The following TRMT2B variants were observed in gnomAD, a reference collection of about 807,000 sequenced individuals.
The protein encoded by TRMT2B is tRNA (uracil-5-)-methyltransferase homolog B.
In TRMT2B, 34 loss-of-function variants were observed where a neutral mutation model predicts 39.7. The observed-to-expected ratio is 0.86, with a 90% confidence interval of 0.65 to 1.14. The LOEUF (loss-of-function observed/expected upper bound fraction) is 1.14. TRMT2B is among the 50% of genes most tolerant of loss of function. The probability of loss-of-function intolerance (pLI) is 0.00; values close to 1 mark genes in which losing one functional copy is unlikely to be tolerated. For missense variants in TRMT2B, 318 were observed against 377.2 expected (o/e 0.84, Z 1.30); for synonymous variants, 132 against 137.3 (o/e 0.96, Z 0.27).
chrX:101,032,768 C>T (rs1444517961), intron 7 of TRMT2B, among the ~76,000 whole-genome samples: 3 of 94,063 alleles, frequency 3.2e-5, no homozygotes, highest in Non-Finnish European at 4.1e-5. Flanking sequence ...AAGACTGAAA[C>T]TCCGTCTCAA....
At chrX:101,030,181 A>G (rs1015816272) in intron 7 of TRMT2B, among the ~76,000 whole-genome samples, 1 of 110,819 alleles carries the variant, frequency 9.0e-6, no homozygotes, top group Non-Finnish European at 1.9e-5. Flanking sequence ...AACTGCTTGA[A>G]CCCAGGATGT....
Position 101,025,698 on chromosome X carries a change from C to T in TRMT2B, c.610-2082G>A, listed in dbSNP as rs769181168. Among the ~76,000 whole-genome samples the T allele has an allele frequency of 3.3e-4, 37 of 111,879 alleles. No homozygotes were observed. The South Asian group carries it at 0.013, about 40-fold the overall frequency. On this transcript the variant is annotated intron_variant, in intron 7 of 13. Coordinates refer to ENST00000372936, the MANE Select transcript of TRMT2B (RefSeq NM_024917.6). Reference sequence around the variant, plus strand: ...GTTCCACTGGGCGTGATCCCTCCCACCTGTAATTCCAGCACTTTGAGAGGC... The same window carrying T: ...GTTCCACTGGGCGTGATCCCTCCCATCTGTAATTCCAGCACTTTGAGAGGC...
At chrX:101,039,190 C>T (rs1270846052) in intron 4 of TRMT2B, among the ~76,000 whole-genome samples, 4 of 111,114 alleles carry the variant, frequency 3.6e-5, no homozygotes, top group African/African-American at 1.3e-4. Context: ...CTGCCTCAGC[C>T]CCCCGAGTAG....
chrX:101,019,586 C>T (rs182118989), intron 11 of TRMT2B, among the ~76,000 whole-genome samples, 183 bp from the exon 12 acceptor site: 2 of 109,842 alleles, frequency 1.8e-5, no homozygotes, highest in African/African-American at 3.3e-5. Flanking sequence ...AGTACTTTCC[C>T]TTGGAATATC....
In TRMT2B at chrX:101,035,681, C is replaced by T; in HGVS notation, c.541G>A (p.Gly181Arg). ...TTAGACTGCACACAGACAACGTTCCCATCTATGGAAAGAAAAATAATTTGC... is the reference window on the plus strand; with the variant it reads ...TTAGACTGCACACAGACAACGTTCCTATCTATGGAAAGAAAAATAATTTGC... ...VGFYLGTWRD[G>R]NVVCVQSNHL... The change falls in exon 7 of 14, where the codon GGG (glycine) becomes AGG (arginine). Residue 181 changes from glycine to arginine, a missense_variant and splice_region_variant. Physicochemically the swap from Gly to Arg is moderately radical, Grantham distance 125. Transcript: ENST00000372936. 8.3e-7 allele frequency: 1 copy of T among 1,202,370 alleles called. No individual in the cohort carries two copies. Among genetic ancestry groups the T allele is most frequent in the Non-Finnish European group, 1.1e-6 (1 of 887,408 alleles).
intron 13 of TRMT2B, among the ~76,000 whole-genome samples, chrX:101,012,456 A>G (rs762379879): frequency 1.2e-3 from 124 of 103,190 alleles, no homozygotes; most frequent in African/African-American, 4.3e-3. Context: ...ATATCTCCCA[A>G]TGCTATCCCT....
the TRMT2B span, among the ~76,000 whole-genome samples, chrX:100,997,780 A>C: frequency 8.9e-6 from 1 of 112,380 alleles, no homozygotes; most frequent in African/African-American, 3.2e-5. Flanking sequence ...AAGGTGACAA[A>C]ATGAGAGAAA....
intron 7 of TRMT2B, among the ~76,000 whole-genome samples, chrX:101,032,147 G>A (rs1048924008): frequency 9.0e-6 from 1 of 110,779 alleles, no homozygotes; most frequent in Non-Finnish European, 1.9e-5. Flanking sequence ...TTAGCCAAGC[G>A]TGGTGGCAGG....
At chrX:100,976,601 T>C in the TRMT2B span, among the ~76,000 whole-genome samples, 1 of 112,083 alleles carries the variant, frequency 8.9e-6, no homozygotes, top group East Asian at 2.8e-4. Context: ...ATGTTTTTGT[T>C]GTTGTTGTTA....
the TRMT2B span, among the ~76,000 whole-genome samples, chrX:100,980,033 T>C: frequency 9.1e-6 from 1 of 110,164 alleles, no homozygotes; most frequent in Admixed American, 9.6e-5. Flanking sequence ...ACTGAGACTG[T>C]GCTGAGTCAC....
downstream of TRMT2B, among the ~76,000 whole-genome samples, chrX:101,007,409 G>A (rs1459991100): frequency 8.9e-6 from 1 of 111,812 alleles, no homozygotes; most frequent in African/African-American, 3.2e-5. Flanking sequence ...CACTTTGGGA[G>A]GCCAAGGTGG....
intron 7 of TRMT2B, among the ~76,000 whole-genome samples, chrX:101,029,106 C>T (rs899380502): frequency 4.5e-5 from 5 of 111,900 alleles, no homozygotes; most frequent in African/African-American, 1.6e-4. Flanking sequence ...TCATCTCCTA[C>T]TATTCTTCCT....
rs1483535999 is a variant in TRMT2B, at chrX:101,050,288, T to C, written c.-24+963A>G. On this transcript the variant is annotated intron_variant, in intron 2 of 13. Coordinates refer to ENST00000372936, the MANE Select transcript of TRMT2B (RefSeq NM_024917.6). ...CATTCTAGGTAAAGAGCCTGTCATA[T>C]TTAGTAACTTCTGTGGTGAAATTTC... is the stretch of plus-strand genomic sequence containing the variant. 2.7e-5 allele frequency among the ~76,000 whole-genome samples: 3 copies of C among 112,573 alleles called. No individual in the cohort carries two copies. The Admixed American group carries it at 2.8e-4, about 11-fold the overall frequency.
intron 4 of TRMT2B, among the ~76,000 whole-genome samples, chrX:101,039,078 T>TC (rs2088049973): frequency 9.3e-6 from 1 of 107,343 alleles, no homozygotes; most frequent in East Asian, 2.9e-4. Context: ...TATTTTTTTG[T>TC]TTTTTTTTGA....
At chrX:101,045,420 C>G (rs1256335777) in intron 2 of TRMT2B, among the ~76,000 whole-genome samples, 3 of 103,541 alleles carry the variant, frequency 2.9e-5, no homozygotes, top group African/African-American at 1.1e-4. Context: ...CACCATTGCA[C>G]TCCAGCCTGG....
At chrX:101,016,772 G>A (rs12835679) in intron 13 of TRMT2B, among the ~76,000 whole-genome samples, 14 of 104,512 alleles carry the variant, frequency 1.3e-4, no homozygotes, top group South Asian at 9.3e-4. Context: ...TCAGCCTCCC[G>A]AGCAGCTGGG....
At chrX:101,043,201 G>A (rs2088353238) in intron 2 of TRMT2B, among the ~76,000 whole-genome samples, 1 of 111,447 alleles carries the variant, frequency 9.0e-6, no homozygotes, top group African/African-American at 3.3e-5. Context: ...GGGAGGCAGA[G>A]GTTGCAGTCA....
At chrX:101,038,371 CAAAAAAA>C (rs57481304) in intron 4 of TRMT2B, among the ~76,000 whole-genome samples, 7 of 35,204 alleles carry the variant, frequency 2.0e-4, no homozygotes, top group East Asian at 1.2e-3. Context: ...AACTCCGTCT[CAAAAAAA>C]AAAAAAAAAA....
At chrX:101,015,441 T>C (rs2086464514) in intron 13 of TRMT2B, among the ~76,000 whole-genome samples, 1 of 111,824 alleles carries the variant, frequency 8.9e-6, no homozygotes, top group Non-Finnish European at 1.9e-5. Flanking sequence ...ATCAAGCTTT[T>C]GTACTTTTGT....
Sources: allele counts gnomAD v4.1 joint callset (sites outside exome capture counted in the v4.1 genomes callset), GRCh38; gene constraint gnomAD v4.1.1; transcripts MANE v1.5; gene names NCBI Gene and HGNC (gene_info 2026-07-23, HGNC 2026-07-21).